The following ARHGEF10L variants were observed in gnomAD, a reference collection of about 807,000 sequenced individuals.
ARHGEF10L encodes rho guanine nucleotide exchange factor 10-like protein.
A neutral mutation model predicts 141.2 loss-of-function variants in ARHGEF10L; 69 were observed. The ratio of observed to expected loss-of-function variants is 0.49; its 90% CI spans 0.40 to 0.60. The LOEUF is 0.60. ARHGEF10L is among the 20% of genes least tolerant of loss of function. The pLI is 0.00. For missense variants in ARHGEF10L, 1,482 were observed against 1,734.3 expected, an observed-to-expected ratio of 0.85 and a Z score of 2.58; for synonymous variants, 711 against 718.5, an observed-to-expected ratio of 0.99 and a Z score of 0.17.
intron 25 of ARHGEF10L, among the ~76,000 whole-genome samples, chr1:17,658,058 C>T (rs1317446468): frequency 6.6e-6 from 1 of 152,208 alleles, no homozygotes; most frequent in Admixed American, 6.5e-5. Flanking sequence ...TAGGGAAGGG[C>T]CTTACTCCCA....
At chr1:17,522,803 G>A in the ARHGEF10L span, among the ~76,000 whole-genome samples, 7 of 152,106 alleles carry the variant, frequency 4.6e-5, no homozygotes, top group Non-Finnish European at 1.0e-4. Flanking sequence ...CCCCTGGAAG[G>A]TGAAAGAAGG....
chr1:17,587,187 A>G (rs2079093079), intron 2 of ARHGEF10L, among the ~76,000 whole-genome samples: 1 of 152,206 alleles, frequency 6.6e-6, no homozygotes, highest in African/African-American at 2.4e-5. Flanking sequence ...AAGAGGAAAG[A>G]TATACATTGA....
At chr1:17,626,694 C>T (rs1044249514) in intron 14 of ARHGEF10L, among the ~76,000 whole-genome samples, 3 of 152,198 alleles carry the variant, frequency 2.0e-5, no homozygotes, top group Admixed American at 6.5e-5. Context: ...GTTCTGCAAC[C>T]ATCACCACCA....
rs1157465173 is a variant in ARHGEF10L, at chr1:17,654,409, C to G, written c.2395-227C>G. Among the ~76,000 whole-genome samples, 2 of 152,158 alleles carry G rather than the reference C, an allele frequency of 1.3e-5. No individual in the cohort carries two copies. Among genetic ancestry groups the G allele is most frequent in the Non-Finnish European group, 2.9e-5 (2 of 68,040 alleles). On this transcript the variant is annotated intron_variant, in intron 22 of 28. Transcript: ENST00000361221. The surrounding 1 kb of genome is among the most constrained non-coding windows in gnomAD (Gnocchi z 4.3). ...CAGAGACCCTGGGCTGATACAGAGC[C>G]TCTTGCAGGCCTCTTCTAGCCGGAA... is the stretch of plus-strand genomic sequence containing the variant.
intron 27 of ARHGEF10L, chr1:17,689,769 G>A (rs1386196189): frequency 2.2e-6 from 1 of 455,538 alleles, no homozygotes; most frequent in African/African-American, 2.0e-5. Flanking sequence ...GAACAATGAA[G>A]AAATGGATAA....
At position 17,656,248 on chromosome 1, in the gene ARHGEF10L, C is replaced by T. The variant is rs2062241516; in HGVS notation, c.2705+146C>T. 1.9e-6 allele frequency: 2 copies of T among 1,058,556 alleles called. No individual in the cohort carries two copies. Among genetic ancestry groups the T allele is most frequent in the South Asian group, 3.1e-5 (2 of 63,528 alleles). The allele number at this position is 1,058,556 out of a possible 1,614,324, so 65.6% of individuals were successfully genotyped here. A position where few individuals can be genotyped will look rare whatever the true frequency, so the allele number is the denominator to read the frequency against. Reference sequence around the variant, plus strand: ...CAGGAAGGTGGGCACCAGAGCTGCCCAGTGTGGGAGCCAAAGTGTCGGGAG... The same window carrying T: ...CAGGAAGGTGGGCACCAGAGCTGCCTAGTGTGGGAGCCAAAGTGTCGGGAG... On this transcript the variant is annotated intron_variant, in intron 24 of 28. Transcript: ENST00000361221. This position sits in a 1 kb window ranked among gnomAD's most constrained non-coding sequence, Gnocchi z 4.9.
In ARHGEF10L at chr1:17,573,135, G is replaced by C. The variant is rs552703007; in HGVS notation, c.-43-7418G>C. On this transcript the variant is annotated intron_variant, in intron 1 of 28. Coordinates refer to ENST00000361221, the MANE Select transcript of ARHGEF10L (RefSeq NM_018125.4). The surrounding 1 kb of genome is among the most constrained non-coding windows in gnomAD (Gnocchi z 4.8). ...CCCTGCCTGCCTCATCCTCCTGGGG[G>C]GCTTTGGGTAGGTCCCTTCCCATCT... is the stretch of plus-strand genomic sequence containing the variant. Among the ~76,000 whole-genome samples the C allele has an allele frequency of 6.6e-6, 1 of 152,156 alleles. No homozygotes were observed. Among genetic ancestry groups the C allele is most frequent in the African/African-American group, 2.4e-5 (1 of 41,420 alleles).
the ARHGEF10L span, among the ~76,000 whole-genome samples, chr1:17,527,841 C>CAA: frequency 7.2e-6 from 1 of 139,422 alleles, no homozygotes; most frequent in Non-Finnish European, 1.5e-5. Context: ...TAGTGCTTTT[C>CAA]CTCTTGCTTT....
upstream of ARHGEF10L, among the ~76,000 whole-genome samples, chr1:17,538,424 T>C (rs1347906903): frequency 1.3e-5 from 2 of 152,214 alleles, no homozygotes; most frequent in African/African-American, 4.8e-5. Flanking sequence ...ACTTAAACTA[T>C]GAGCCAGTGT....
chr1:17,602,337 G>T, intron 5 of ARHGEF10L, 119 bp downstream of exon 5: 2 of 1,186,490 alleles, frequency 1.7e-6, no homozygotes, highest in Non-Finnish European at 2.4e-6. Context: ...TCCTCACCGG[G>T]GGCTTCTGTG....
chr1:17,676,853 G>A (rs1003413011), intron 26 of ARHGEF10L, among the ~76,000 whole-genome samples: 1 of 151,772 alleles, frequency 6.6e-6, no homozygotes, highest in Non-Finnish European at 1.5e-5. Flanking sequence ...CTCTCAGGCT[G>A]TCTTCTGATT....
intron 11 of ARHGEF10L, among the ~76,000 whole-genome samples, chr1:17,622,202 C>G (rs1387168550): frequency 6.6e-6 from 1 of 152,098 alleles, no homozygotes; most frequent in East Asian, 1.9e-4. Context: ...GCATATACTC[C>G]CATTTATGAC....
chr1:17,634,622 A>G, intron 17 of ARHGEF10L, 60 bp downstream of exon 17: 1 of 1,598,764 alleles, frequency 6.3e-7, no homozygotes, highest in Non-Finnish European at 8.5e-7. Flanking sequence ...CTCTGGTGCC[A>G]TGTGATTCTG....
chr1:17,558,334 C>T lies in ARHGEF10L; in HGVS notation c.-44+18384C>T, dbSNP rs147293231. Among the ~76,000 whole-genome samples the T allele has an allele frequency of 2.5e-3, 374 of 152,326 alleles. 1 individual carries two copies. Among genetic ancestry groups the T allele is most frequent in the Non-Finnish European group, 4.3e-3 (292 of 68,032 alleles). ...CCACCCATCATCTCTTGAATCTCTT[C>T]GGCATGCTAAGGACTGCCCTGGGTA... On this transcript the variant is annotated intron_variant, in intron 1 of 28. Transcript: ENST00000361221. This position sits in a 1 kb window ranked among gnomAD's most constrained non-coding sequence, Gnocchi z 4.2.
chr1:17,587,439 C>G, intron 2 of ARHGEF10L, 21 bp from the exon 3 acceptor site: 5 of 1,605,636 alleles, frequency 3.1e-6, no homozygotes, highest in Non-Finnish European at 4.3e-6. Context: ...TGCAGCCTGG[C>G]CAACTCCTTC....
chr1:17,528,873 G>A, the ARHGEF10L span, among the ~76,000 whole-genome samples: 1 of 152,174 alleles, frequency 6.6e-6, no homozygotes, highest in Non-Finnish European at 1.5e-5. Context: ...GGATTATTGT[G>A]TTTCCATGGG....
At chr1:17,598,715 A>G (rs954364717) in intron 4 of ARHGEF10L, among the ~76,000 whole-genome samples, 6 of 152,034 alleles carry the variant, frequency 3.9e-5, no homozygotes, top group Non-Finnish European at 8.8e-5. Context: ...ATACCATAGC[A>G]GATGGAGACT....
At chr1:17,549,243 G>A (rs1330083099) in intron 1 of ARHGEF10L, among the ~76,000 whole-genome samples, 3 of 151,662 alleles carry the variant, frequency 2.0e-5, no homozygotes, top group Non-Finnish European at 2.9e-5. Context: ...GGCTGGTCTC[G>A]AACTCCTGAC....
At chr1:17,655,856 C>G in intron 23 of ARHGEF10L, 23 bp from the exon 24 acceptor site, 10 of 1,546,554 alleles carry the variant, frequency 6.5e-6, no homozygotes, top group Non-Finnish European at 8.7e-6. Context: ...CACCTGATGG[C>G]CTCTCTGGGT....
Sources: allele counts gnomAD v4.1 joint callset (sites outside exome capture counted in the v4.1 genomes callset), GRCh38; gene constraint gnomAD v4.1.1; non-coding constraint Gnocchi (gnomAD v3.1); transcripts MANE v1.5; gene names NCBI Gene and HGNC (gene_info 2026-07-23, HGNC 2026-07-21).